The following GPC5 variants were observed in gnomAD, a reference collection of about 807,000 sequenced individuals.
GPC5 encodes the protein glypican-5.
In GPC5, 47 loss-of-function variants were observed where a neutral mutation model predicts 53.9. The ratio of observed to expected loss-of-function variants is 0.87; its 90% confidence interval spans 0.69 to 1.11. GPC5 has a LOEUF of 1.11. Among genes scored for constraint, GPC5 ranks in the 50% most tolerant of loss-of-function variants. The pLI, the probability that GPC5 is intolerant of heterozygous loss-of-function variation, is 0.00. For missense variants in GPC5, 748 were observed against 713.1 expected, an observed-to-expected ratio of 1.05 and a Z score of -0.56; for synonymous variants, 286 against 263.3, an observed-to-expected ratio of 1.09 and a Z score of -0.84.
intron 7 of GPC5, among the ~76,000 whole-genome samples, chr13:92,621,558 C>T (rs1884868450): frequency 1.3e-5 from 2 of 152,148 alleles, no homozygotes; most frequent in African/African-American, 2.4e-5. Context: ...CAGTAGCTCA[C>T]ACCTGTAATC....
chr13:92,721,073 G>A (rs1227325773), intron 7 of GPC5, among the ~76,000 whole-genome samples: 1 of 152,036 alleles, frequency 6.6e-6, no homozygotes, highest in African/African-American at 2.4e-5. Flanking sequence ...TCCAGCAAAG[G>A]TCACTGGATA....
At chr13:92,257,855 G>T (rs2042738823) in intron 7 of GPC5, among the ~76,000 whole-genome samples, 1 of 152,050 alleles carries the variant, frequency 6.6e-6, no homozygotes, top group Non-Finnish European at 1.5e-5. Flanking sequence ...TGGCCTACAG[G>T]GGTGTTTAGA....
chr13:92,348,971 C>A (rs940784239), intron 7 of GPC5, among the ~76,000 whole-genome samples: 3 of 151,742 alleles, frequency 2.0e-5, no homozygotes, highest in African/African-American at 4.8e-5. Context: ...CTAAAAAAAA[C>A]CCAGATTTCA....
intron 7 of GPC5, among the ~76,000 whole-genome samples, chr13:92,662,044 T>C (rs1886362908): frequency 6.6e-6 from 1 of 152,172 alleles, no homozygotes; most frequent in Non-Finnish European, 1.5e-5. Flanking sequence ...CAAGATCAAG[T>C]CCCACTTTTC....
chr13:91,789,595 G>T (rs1353571308), intron 5 of GPC5, among the ~76,000 whole-genome samples: 17 of 151,976 alleles, frequency 1.1e-4, no homozygotes. Context: ...AAGAAATAAA[G>T]AAAACACTAG....
intron 2 of GPC5, among the ~76,000 whole-genome samples, chr13:91,595,364 C>T (rs931775528): frequency 6.6e-6 from 1 of 152,222 alleles, no homozygotes; most frequent in African/African-American, 2.4e-5. Context: ...ATAGACATAT[C>T]CCTTTAATAC....
At chr13:91,493,810 A>T (rs931668961) in intron 2 of GPC5, among the ~76,000 whole-genome samples, 1 of 152,192 alleles carries the variant, frequency 6.6e-6, no homozygotes, top group Admixed American at 6.5e-5. Flanking sequence ...AAGCAAATAG[A>T]GGAGAATCTG....
chr13:91,566,846 A>G (rs1294283770), intron 2 of GPC5, among the ~76,000 whole-genome samples: 1 of 152,144 alleles, frequency 6.6e-6, no homozygotes, highest in Non-Finnish European at 1.5e-5. Flanking sequence ...AAAACTGATT[A>G]GTCAACCAAA....
Position 92,653,430 on chromosome 13 carries a change from C to T in GPC5, c.1562-212852C>T, listed in dbSNP as rs181463704. The stretch of plus-strand genomic sequence containing the variant: ...AAGAATGGTGAAAGCCAGGAAGATA[C>T]GGATGGGCTGCAGACAGCATCTGCT... On this transcript the variant is annotated intron_variant, in intron 7 of 7. Transcript: ENST00000377067. Among the ~76,000 whole-genome samples the T allele has an allele frequency of 5.3e-5, 8 of 152,254 alleles. No homozygotes were observed. In the East Asian group the frequency reaches 7.7e-4, roughly 15 times the overall value.
chr13:91,881,169 C>G (rs1330165055), intron 5 of GPC5, among the ~76,000 whole-genome samples: 2 of 151,970 alleles, frequency 1.3e-5, no homozygotes, highest in African/African-American at 2.4e-5. Context: ...TTTATTAACA[C>G]TTTATATTTT....
intron 7 of GPC5, among the ~76,000 whole-genome samples, chr13:92,774,004 A>T (rs1455663885): frequency 6.6e-6 from 1 of 152,120 alleles, no homozygotes; most frequent in Non-Finnish European, 1.5e-5. Flanking sequence ...ATCAGATCTC[A>T]TGAGACTTAT....
At chr13:92,181,945 C>T (rs780153516) in intron 7 of GPC5, among the ~76,000 whole-genome samples, 4 of 152,106 alleles carry the variant, frequency 2.6e-5, no homozygotes, top group Non-Finnish European at 5.9e-5. Flanking sequence ...AGTAGGTTTG[C>T]ATTGGGAATC....
At chr13:91,620,084 AG>A (rs1261615464) in intron 2 of GPC5, among the ~76,000 whole-genome samples, 1 of 152,070 alleles carries the variant, frequency 6.6e-6, no homozygotes, top group Non-Finnish European at 1.5e-5. Flanking sequence ...CTGGGTCAAC[AG>A]GTGCTTAATA....
intron 2 of GPC5, among the ~76,000 whole-genome samples, chr13:91,518,575 T>G (rs982905083): frequency 1.2e-4 from 18 of 152,256 alleles, no homozygotes; most frequent in Middle Eastern, 6.8e-3. Context: ...TTTTTTGAGA[T>G]GGAGTCTCGC....
At chr13:92,212,395 A>T (rs2042381768) in intron 7 of GPC5, among the ~76,000 whole-genome samples, 1 of 152,214 alleles carries the variant, frequency 6.6e-6, no homozygotes, top group Non-Finnish European at 1.5e-5. Context: ...ATGTTAGAAC[A>T]TGTAAAAAGC....
intron 7 of GPC5, among the ~76,000 whole-genome samples, chr13:92,661,470 C>T (rs1458794231): frequency 6.6e-6 from 1 of 152,084 alleles, no homozygotes; most frequent in African/African-American, 2.4e-5. Flanking sequence ...AAACAAAATA[C>T]ATTTTAGTAA....
intron 2 of GPC5, among the ~76,000 whole-genome samples, chr13:91,615,635 A>G (rs1387862526): frequency 1.3e-5 from 2 of 152,148 alleles, no homozygotes; most frequent in East Asian, 1.9e-4. Flanking sequence ...GTAATATGTG[A>G]TAGCAGCTCA....
intron 7 of GPC5, among the ~76,000 whole-genome samples, chr13:92,644,009 A>G (rs1247521938): frequency 2.6e-5 from 4 of 152,192 alleles, no homozygotes; most frequent in Non-Finnish European, 4.4e-5. Flanking sequence ...ACAGCTGCAT[A>G]ATTTTGAAAC....
chr13:92,608,561 T>G (rs1172301150), intron 7 of GPC5, among the ~76,000 whole-genome samples: 1 of 152,170 alleles, frequency 6.6e-6, no homozygotes, highest in Non-Finnish European at 1.5e-5. Flanking sequence ...GTAATATAAA[T>G]GCATTATTTT....
Sources: gnomAD v4.1 joint callset for allele counts (sites outside exome capture counted in the v4.1 genomes callset) on GRCh38, gnomAD v4.1.1 for gene constraint, MANE v1.5 for transcripts, NCBI Gene and HGNC (gene_info 2026-07-23, HGNC 2026-07-21) for gene names.